The following IQCH variants were observed in gnomAD, a reference collection of about 807,000 sequenced individuals.
The protein encoded by IQCH is IQ motif containing H.
Under a neutral mutation model 117.0 loss-of-function variants are expected in IQCH, and 98 were observed. That is an observed-to-expected ratio of 0.84 (90% CI 0.71 to 0.99). The LOEUF is 0.99. Among genes scored for constraint, IQCH ranks in the 50% least tolerant of loss-of-function variants. The pLI, the probability that IQCH is intolerant of heterozygous loss-of-function variation, is 0.00. For missense variants in IQCH, 1,102 were observed against 1,243.8 expected, an observed-to-expected ratio of 0.89 and a Z score of 1.72; for synonymous variants, 412 against 448.2, an observed-to-expected ratio of 0.92 and a Z score of 1.02.
At chr15:67,414,067 T>C (rs536269057) in intron 14 of IQCH, among the ~76,000 whole-genome samples, 4 of 152,326 alleles carry the variant, frequency 2.6e-5, no homozygotes, top group Admixed American at 2.6e-4. Flanking sequence ...CCCGATGCCC[T>C]TCAGAGGCAG....
intron 1 of IQCH, among the ~76,000 whole-genome samples, chr15:67,255,900 C>T (rs1301185212): frequency 6.6e-6 from 1 of 152,172 alleles, no homozygotes; most frequent in East Asian, 1.9e-4. Flanking sequence ...TCTTTTCTCA[C>T]CCTCACTTTC....
chr15:67,323,939 C>CT lies in IQCH; in HGVS notation c.388-13014dup, dbSNP rs530534537. ...CTCGAAGAATGTTTTTTAAGCATTT[C>CT]TTTTTTTTTTTTTTTTTTTTTTGAG... On this transcript the variant is annotated intron_variant, in intron 4 of 20. Transcript: ENST00000335894. Among the ~76,000 whole-genome samples, 13 of 64,336 alleles carry CT rather than the reference C, an allele frequency of 2.0e-4. 1 individual carries two copies. The highest frequency in any genetic ancestry group is 5.7e-4 in the African/African-American group (9 of 15,744). 42.2% of individuals were successfully genotyped at this position (64,336 alleles called of 152,430 possible).
At chr15:67,420,224 A>G (rs1196185559) in intron 15 of IQCH, among the ~76,000 whole-genome samples, 1 of 152,212 alleles carries the variant, frequency 6.6e-6, no homozygotes, top group Non-Finnish European at 1.5e-5. Flanking sequence ...CTCTGACCAA[A>G]TTTATAGACA....
intron 16 of IQCH, among the ~76,000 whole-genome samples, chr15:67,448,642 G>T (rs1354331031): frequency 6.6e-6 from 1 of 151,988 alleles, no homozygotes; most frequent in Non-Finnish European, 1.5e-5. Context: ...CATTTAGGTT[G>T]GTTCCAAGTC....
chr15:67,346,989 C>T (rs8043518), intron 6 of IQCH, among the ~76,000 whole-genome samples: 68,616 of 151,564 alleles, frequency 0.45, 15,986 homozygotes, highest in Non-Finnish European at 0.52. Flanking sequence ...TGGGAATGAC[C>T]ACACAACATA....
intron 16 of IQCH, among the ~76,000 whole-genome samples, chr15:67,435,938 A>G (rs2082126909): frequency 6.6e-6 from 1 of 151,874 alleles, no homozygotes; most frequent in Admixed American, 6.6e-5. Flanking sequence ...GGTCTTTGCT[A>G]TTGAGTTGTA....
intron 16 of IQCH, among the ~76,000 whole-genome samples, chr15:67,452,918 TC>T (rs1374232789): frequency 6.6e-6 from 1 of 152,216 alleles, no homozygotes; most frequent in Non-Finnish European, 1.5e-5. Flanking sequence ...GAGGCTTTGT[TC>T]ATTTCTTTTT....
In IQCH at chr15:67,425,001, A is replaced by T. The variant is rs934566874; in HGVS notation, c.2505+3424A>T. 3.3e-5 allele frequency among the ~76,000 whole-genome samples: 5 copies of T among 152,210 alleles called. No individual in the cohort carries two copies. The highest frequency in any genetic ancestry group is 1.2e-4 in the African/African-American group (5 of 41,458). On this transcript the variant is annotated intron_variant, in intron 16 of 20. Transcript: ENST00000335894. The surrounding 1 kb of genome is among the most constrained non-coding windows in gnomAD (Gnocchi z 5.5). ...CATTGAAGCGACTGGCAGGCATATT[A>T]TCAACCTCTCATTTTTTGTCAGTCT...
chr15:67,318,238 C>T (rs1337424764), intron 4 of IQCH, among the ~76,000 whole-genome samples: 1 of 151,996 alleles, frequency 6.6e-6, no homozygotes, highest in African/African-American at 2.4e-5. Flanking sequence ...TCTCCCTTCC[C>T]TCCTTTTTGT....
intron 4 of IQCH, among the ~76,000 whole-genome samples, chr15:67,301,134 A>G (rs1274345456): frequency 6.6e-6 from 1 of 152,120 alleles, no homozygotes; most frequent in Admixed American, 6.6e-5. Context: ...TTTACTAAAA[A>G]TTTCTGAAGT....
chr15:67,441,845 A>G (rs1243580789), intron 16 of IQCH, among the ~76,000 whole-genome samples: 3 of 152,206 alleles, frequency 2.0e-5, no homozygotes, highest in Non-Finnish European at 2.9e-5. Context: ...TTCATGATCA[A>G]GAACCCAAAA....
At chr15:67,324,846 C>A (rs957942253) in intron 4 of IQCH, among the ~76,000 whole-genome samples, 2 of 151,774 alleles carry the variant, frequency 1.3e-5, no homozygotes, top group African/African-American at 4.8e-5. Flanking sequence ...GATTTTCTTG[C>A]CTTTGACTTC....
At chr15:67,379,273 T>A (rs1970840823) in intron 10 of IQCH, among the ~76,000 whole-genome samples, 2 of 152,202 alleles carry the variant, frequency 1.3e-5, no homozygotes, top group African/African-American at 2.4e-5. Flanking sequence ...TTTTATAGCC[T>A]TTTCAGATAG....
chr15:67,315,048 G>A (rs768916710), intron 4 of IQCH, among the ~76,000 whole-genome samples: 22 of 152,262 alleles, frequency 1.4e-4, no homozygotes, highest in Non-Finnish European at 3.1e-4. Flanking sequence ...TGACTTTATA[G>A]GATTAGAGAT....
chr15:67,438,164 C>T (rs1177016789), intron 16 of IQCH, among the ~76,000 whole-genome samples: 2 of 152,114 alleles, frequency 1.3e-5, no homozygotes, highest in Admixed American at 6.5e-5. Context: ...ACCAGGTAAC[C>T]TATAAAGGAA....
chr15:67,289,945 G>A (rs1966695386), intron 4 of IQCH, among the ~76,000 whole-genome samples: 2 of 152,016 alleles, frequency 1.3e-5, no homozygotes, highest in African/African-American at 4.8e-5. Flanking sequence ...TCACAGTCTA[G>A]ATTCTTCCAA....
intron 16 of IQCH, among the ~76,000 whole-genome samples, chr15:67,441,016 G>A (rs970527262): frequency 6.8e-6 from 1 of 146,310 alleles, no homozygotes; most frequent in Non-Finnish European, 1.5e-5. Flanking sequence ...ATTCAGCAAA[G>A]TTTCCAGATA....
intron 4 of IQCH, among the ~76,000 whole-genome samples, chr15:67,294,106 C>A (rs910445791): frequency 1.3e-5 from 2 of 152,138 alleles, no homozygotes; most frequent in Non-Finnish European, 2.9e-5. Flanking sequence ...TTAAGGGCAT[C>A]ATCTTGAAAA....
chr15:67,352,145 T>C (rs1969688930), intron 6 of IQCH, among the ~76,000 whole-genome samples: 1 of 152,180 alleles, frequency 6.6e-6, no homozygotes, highest in Non-Finnish European at 1.5e-5. Context: ...TATATTCTTA[T>C]TGTGATTAGC....
Sources: allele counts gnomAD v4.1 joint callset (sites outside exome capture counted in the v4.1 genomes callset), GRCh38; gene constraint gnomAD v4.1.1; non-coding constraint Gnocchi (gnomAD v3.1); transcripts MANE v1.5; gene names NCBI Gene and HGNC (gene_info 2026-07-23, HGNC 2026-07-21).